The following WDR7 variants were observed in gnomAD, a reference collection of about 807,000 sequenced individuals.
WDR7 encodes WD repeat domain 7, also known as WD repeat-containing protein 7.
Under a neutral mutation model 169.4 loss-of-function variants are expected in WDR7, and 46 were observed. The observed-to-expected ratio is 0.27, with a 90% confidence interval of 0.21 to 0.35. The LOEUF is 0.35. WDR7 is among the 10% of genes least tolerant of loss of function. The pLI is 1.00. For missense variants in WDR7, 1,534 were observed against 1,859.3 expected (o/e 0.83, Z 3.22); for synonymous variants, 612 against 666.8 (o/e 0.92, Z 1.27).
intron 20 of WDR7, among the ~76,000 whole-genome samples, chr18:56,831,305 G>T (rs2045304048): frequency 6.6e-6 from 1 of 152,100 alleles, no homozygotes. Context: ...GATGCTAAAG[G>T]CAGGCCAGAT....
At chr18:56,973,497 G>A (rs1460782026) in intron 26 of WDR7, among the ~76,000 whole-genome samples, 1 of 151,924 alleles carries the variant, frequency 6.6e-6, no homozygotes, top group Non-Finnish European at 1.5e-5. Flanking sequence ...TGTGTGTGGG[G>A]GGGGTGTATT....
intron 21 of WDR7, among the ~76,000 whole-genome samples, chr18:56,912,835 C>G (rs111572302): frequency 1.4e-4 from 21 of 152,192 alleles, no homozygotes; most frequent in African/African-American, 5.1e-4. Flanking sequence ...ACATCCAGTT[C>G]CATGGCCTCT....
chr18:56,863,490 G>A (rs1199163500), intron 20 of WDR7, among the ~76,000 whole-genome samples: 1 of 151,592 alleles, frequency 6.6e-6, no homozygotes, highest in African/African-American at 2.4e-5. Context: ...ACAAGAAGGG[G>A]AGAGCACAGT....
At chr18:56,804,475 C>G (rs115133520) in intron 19 of WDR7, among the ~76,000 whole-genome samples, 96 of 152,302 alleles carry the variant, frequency 6.3e-4, no homozygotes, top group African/African-American at 2.2e-3. Flanking sequence ...ACTTCATAGT[C>G]CACTTCACAC....
chr18:56,843,340 G>A (rs1325786213), intron 20 of WDR7, among the ~76,000 whole-genome samples: 3 of 152,190 alleles, frequency 2.0e-5, no homozygotes, highest in Admixed American at 2.0e-4. Context: ...TCTTCTCAAA[G>A]TGAAACCTTA....
In WDR7 at chr18:56,672,674, A is replaced by G. The variant is rs1785498906; in HGVS notation, c.159A>G (p.Gln53=). ...ICLWDLSVEL[Q]INPRALLFGH... ...TCTGGGATCTTTCAGTAGAACTGCAAGTGAGTATGTGAAATGCCTATTATA... is the reference window on the plus strand; with the variant it reads ...TCTGGGATCTTTCAGTAGAACTGCAGGTGAGTATGTGAAATGCCTATTATA... The change falls in exon 2 of 28, where the codon CAA becomes CAG. Residue 53 remains glutamine, a splice_region_variant and synonymous_variant. Coordinates refer to ENST00000254442, the MANE Select transcript of WDR7 (RefSeq NM_015285.3). The G allele has an allele frequency of 6.2e-7, 1 of 1,606,596 alleles. No individual in the cohort carries two copies. Among genetic ancestry groups the G allele is most frequent in the Non-Finnish European group, 8.5e-7 (1 of 1,176,942 alleles).
At chr18:56,682,491 A>G (rs1204786712) in intron 4 of WDR7, among the ~76,000 whole-genome samples, 188 bp from the exon 5 acceptor site, 1 of 152,240 alleles carries the variant, frequency 6.6e-6, no homozygotes, top group Non-Finnish European at 1.5e-5. Context: ...AAATTTTAAT[A>G]TAACTTAATA....
At chr18:56,740,364 C>CTG (rs2043599253) in intron 14 of WDR7, among the ~76,000 whole-genome samples, 1 of 152,024 alleles carries the variant, frequency 6.6e-6, no homozygotes, top group African/African-American at 2.4e-5. Flanking sequence ...AAATCTTTAT[C>CTG]TGCCAACTCT....
At chr18:56,813,566 A>G (rs182361879) in intron 19 of WDR7, among the ~76,000 whole-genome samples, 2 of 151,126 alleles carry the variant, frequency 1.3e-5, no homozygotes, top group East Asian at 3.9e-4. Context: ...AATATTTTGG[A>G]TCTTAATTGA....
chr18:56,695,869 A>G (rs1253974407), intron 11 of WDR7, among the ~76,000 whole-genome samples: 1 of 152,252 alleles, frequency 6.6e-6, no homozygotes, highest in Non-Finnish European at 1.5e-5. Context: ...TGTGTTAAAA[A>G]ATAAAATGAA....
intron 21 of WDR7, among the ~76,000 whole-genome samples, chr18:56,911,845 C>CAGTT (rs1273434332): frequency 2.0e-5 from 3 of 152,168 alleles, no homozygotes; most frequent in African/African-American, 7.2e-5. Context: ...TACTTCTTTT[C>CAGTT]AGTTTCTTGC....
chr18:56,772,060 CAAAAAAAAAAA>C (rs71169397), intron 16 of WDR7, among the ~76,000 whole-genome samples: 1,047 of 51,254 alleles, frequency 0.02, 25 homozygotes, highest in African/African-American at 0.074. Context: ...GACCCTGTCT[CAAAAAAAAAAA>C]AAAAAAAAAA....
intron 1 of WDR7, among the ~76,000 whole-genome samples, chr18:56,662,541 C>T (rs2144458076): frequency 6.6e-6 from 1 of 152,308 alleles, no homozygotes; most frequent in South Asian, 2.1e-4. Context: ...CATTGTTGCT[C>T]ATAGACAATG....
chr18:56,918,612 A>G (rs2046664167), intron 21 of WDR7, among the ~76,000 whole-genome samples: 1 of 152,210 alleles, frequency 6.6e-6, no homozygotes, highest in Admixed American at 6.5e-5. Flanking sequence ...TAGTAAGACC[A>G]TACCGCAGAA....
intron 1 of WDR7, among the ~76,000 whole-genome samples, chr18:56,654,731 GAA>G (rs2024730475): frequency 6.6e-6 from 1 of 152,172 alleles, no homozygotes; most frequent in African/African-American, 2.4e-5. Context: ...TTTTGTTTAA[GAA>G]ATCTTTCCCC....
rs1434454047 is a variant in WDR7, at chr18:56,686,042, A to G, written c.597+10A>G. The G allele has an allele frequency of 6.3e-7, 1 of 1,584,428 alleles. No individual in the cohort carries two copies. Among genetic ancestry groups the G allele is most frequent in the Non-Finnish European group, 8.5e-7 (1 of 1,169,656 alleles). On this transcript the variant is annotated intron_variant, in intron 6 of 27. Coordinates refer to ENST00000254442, the MANE Select transcript of WDR7 (RefSeq NM_015285.3). ...AATAAGTGACATGCAGGTGAGAAAA[A>G]GGAAACTGGGGTGATTTCTCTGTTT... is the stretch of plus-strand genomic sequence containing the variant.
intron 20 of WDR7, among the ~76,000 whole-genome samples, chr18:56,862,377 ACT>A (rs796783322): frequency 4.0e-5 from 6 of 151,278 alleles, no homozygotes; most frequent in South Asian, 4.2e-4. Flanking sequence ...TTTGTGATAA[ACT>A]CTCTCTTGTG....
At chr18:57,010,021 T>G (rs980302435) in intron 26 of WDR7, 6 of 985,350 alleles carry the variant, frequency 6.1e-6, no homozygotes, top group Non-Finnish European at 7.2e-6. Context: ...AGTTAGTGTG[T>G]ACATGTGTCT....
At chr18:56,928,969 T>C (rs1284036000) in intron 22 of WDR7, among the ~76,000 whole-genome samples, 2 of 152,212 alleles carry the variant, frequency 1.3e-5, no homozygotes, top group East Asian at 1.9e-4. Flanking sequence ...CAGTGTACTT[T>C]AGATTTTTAA....
Sources: allele counts gnomAD v4.1 joint callset (sites outside exome capture counted in the v4.1 genomes callset), GRCh38; gene constraint gnomAD v4.1.1; transcripts MANE v1.5; gene names NCBI Gene and HGNC (gene_info 2026-07-23, HGNC 2026-07-21).